The following SHC2 variants were observed in gnomAD, a reference collection of about 807,000 sequenced individuals.
SHC2 encodes SHC adaptor protein 2.
A neutral mutation model predicts 60.6 loss-of-function variants in SHC2; 62 were observed. The ratio of observed to expected loss-of-function variants is 1.02; its 90% confidence interval spans 0.83 to 1.26. SHC2 has a LOEUF of 1.26. Among genes scored for constraint, SHC2 ranks in the 50% most tolerant of loss-of-function variants. SHC2 has a pLI of 0.00. For missense variants in SHC2, 873 were observed against 822.2 expected (o/e 1.06, Z -0.76); for synonymous variants, 375 against 372.4 (o/e 1.01, Z -0.08).
Position 445,060 on chromosome 19 carries a change from C to G in SHC2, c.469-4128G>C, listed in dbSNP as rs577909384. ...GGACCTCAGCTCACTGCATGTCCCA[C>G]GCTCCACGGCGCCCAGTGCTGCCGG... On this transcript the variant is annotated intron_variant, in intron 1 of 12. Transcript: ENST00000264554. This position sits in a 1 kb window ranked among gnomAD's most constrained non-coding sequence, Gnocchi z 4.4. 5.3e-5 allele frequency among the ~76,000 whole-genome samples: 8 copies of G among 152,250 alleles called. No homozygotes were observed. The highest frequency in any genetic ancestry group is 2.6e-4 in the Admixed American group (4 of 15,292).
chr19:420,676 A>C (rs1292223175), intron 11 of SHC2, among the ~76,000 whole-genome samples: 2 of 152,242 alleles, frequency 1.3e-5, no homozygotes, highest in Non-Finnish European at 2.9e-5. Flanking sequence ...GATGCACTTC[A>C]AATATGCAAT....
Position 422,064 on chromosome 19 carries a change from CCTGG to C in SHC2, c.1620+78_1620+81del. Reference sequence around the variant, plus strand: ...CCTCCCACCTGTGCCCAGCGAAGCCCCTGGATGCCCCGAGACCCTCCCACCTGTG... The same window carrying C: ...CCTCCCACCTGTGCCCAGCGAAGCCCATGCCCCGAGACCCTCCCACCTGTG... On this transcript the variant is annotated intron_variant, in intron 11 of 12. Transcript: ENST00000264554. This position sits in a 1 kb window ranked among gnomAD's most constrained non-coding sequence, Gnocchi z 5.0. 2.1e-6 allele frequency: 1 copy of C among 475,422 alleles called. No individual in the cohort carries two copies. The highest frequency in any genetic ancestry group is 2.5e-6 in the Non-Finnish European group (1 of 405,022). The allele number at this position is 475,422 out of a possible 1,614,324, so 29.5% of individuals were successfully genotyped here.
chr19:461,007 G>A lies in SHC2; in HGVS notation c.-11C>T. On this transcript the variant is annotated 5_prime_UTR_variant, in exon 1 of 13. Coordinates refer to ENST00000264554, the MANE Select transcript of SHC2 (RefSeq NM_012435.3). ...CGGACCCTGCGTCATGGCCGCGGCC[G>A]CCCGACGGAGCCCGACCGGGCGCTG... 1 of 887,706 alleles carries A rather than the reference G, an allele frequency of 1.1e-6. No homozygotes were observed. The highest frequency in any genetic ancestry group is 1.3e-6 in the Non-Finnish European group (1 of 741,288). 55.0% of individuals were successfully genotyped at this position (887,706 alleles called of 1,614,324 possible).
intron 1 of SHC2, among the ~76,000 whole-genome samples, chr19:448,043 G>C (rs1365357743): frequency 1.3e-5 from 2 of 152,222 alleles, no homozygotes; most frequent in Non-Finnish European, 2.9e-5. Flanking sequence ...GGAGGCCGCA[G>C]GCAGCGCTTG....
In SHC2 at chr19:418,418, G is replaced by A. The variant is rs1034151036; in HGVS notation, c.*5+505C>T. 1.3e-5 allele frequency among the ~76,000 whole-genome samples: 2 copies of A among 152,236 alleles called. 1 individual carries two copies. Among genetic ancestry groups the A allele is most frequent in the South Asian group, 4.1e-4 (2 of 4,836 alleles). ...AGTGACGCGTGTCCACACACAACCTGCACACAAAGGCTCACGGCGGCCAAA... is the reference window on the plus strand; with the variant it reads ...AGTGACGCGTGTCCACACACAACCTACACACAAAGGCTCACGGCGGCCAAA... On this transcript the variant is annotated intron_variant, in intron 12 of 12. Transcript: ENST00000264554.
intron 1 of SHC2, among the ~76,000 whole-genome samples, chr19:449,926 T>A (rs1975138378): frequency 6.6e-6 from 1 of 152,228 alleles, no homozygotes; most frequent in African/African-American, 2.4e-5. Flanking sequence ...CGTAGTCTAC[T>A]GTTCTTGTTT....
intron 1 of SHC2, among the ~76,000 whole-genome samples, chr19:459,704 A>T (rs1047727734): frequency 6.6e-6 from 1 of 152,160 alleles, no homozygotes; most frequent in African/African-American, 2.4e-5. Flanking sequence ...ACACAACCCA[A>T]TGTGAACACA....
chr19:442,494 GAT>G (rs1974900284), intron 1 of SHC2, among the ~76,000 whole-genome samples: 1 of 116,762 alleles, frequency 8.6e-6, no homozygotes, highest in Non-Finnish European at 1.8e-5. Context: ...TGGGTGGATG[GAT>G]GGATGGACGG....
chr19:454,171 C>T (rs1019369416), intron 1 of SHC2, among the ~76,000 whole-genome samples: 1 of 152,212 alleles, frequency 6.6e-6, no homozygotes, highest in African/African-American at 2.4e-5. Context: ...TAAAATGAAG[C>T]TGGCACTGCA....
chr19:442,935 A>G (rs1233303064), intron 1 of SHC2, among the ~76,000 whole-genome samples: 50 of 67,540 alleles, frequency 7.4e-4, no homozygotes, highest in Non-Finnish European at 1.0e-3. Flanking sequence ...GGGTGGATGG[A>G]TGGGTGGGTG....
chr19:447,468 A>G (rs1483111453), intron 1 of SHC2, among the ~76,000 whole-genome samples: 2 of 152,214 alleles, frequency 1.3e-5, no homozygotes, highest in African/African-American at 4.8e-5. Flanking sequence ...TATGCGAATT[A>G]TATCTGCTTT....
rs1476749740 is a variant in SHC2 at position 453,226 on chromosome 19, G to A, written c.468+7303C>T. ...CCTGATTGGTACTTGGATGGGAGAA[G>A]GACAGAAAGAACCCAGATATGGGTT... On this transcript the variant is annotated intron_variant, in intron 1 of 12. Transcript: ENST00000264554. This position sits in a 1 kb window ranked among gnomAD's most constrained non-coding sequence, Gnocchi z 6.3. 4.6e-5 allele frequency: 7 copies of A among 152,148 alleles called. No individual in the cohort carries two copies. The highest frequency in any genetic ancestry group is 1.7e-4 in the African/African-American group (7 of 41,434). 9.4% of individuals were successfully genotyped at this position (152,148 alleles called of 1,614,324 possible).
intron 1 of SHC2, among the ~76,000 whole-genome samples, chr19:451,365 A>C (rs943127785): frequency 1.9e-5 from 2 of 103,358 alleles, no homozygotes; most frequent in African/African-American, 7.4e-5. Context: ...CAGCGTGTGG[A>C]TGGCCACGCC....
chr19:438,046 G>A lies in SHC2; in HGVS notation c.720+672C>T, dbSNP rs916263210. On this transcript the variant is annotated intron_variant, in intron 4 of 12. Transcript: ENST00000264554. This position sits in a 1 kb window ranked among gnomAD's most constrained non-coding sequence, Gnocchi z 5.0. ...GTTGCCCAGGCTGGAGTGCAGTAGT[G>A]CAATCTTGGCTCACTGCAACCTCCA... 2.6e-5 allele frequency among the ~76,000 whole-genome samples: 4 copies of A among 152,130 alleles called. No homozygotes were observed. Among genetic ancestry groups the A allele is most frequent in the African/African-American group, 9.7e-5 (4 of 41,420 alleles).
intron 1 of SHC2, among the ~76,000 whole-genome samples, chr19:458,311 C>A (rs1254664937): frequency 1.1e-5 from 1 of 93,524 alleles, no homozygotes; most frequent in Non-Finnish European, 2.2e-5. Context: ...GGAAGCGGGT[C>A]TTGGGGAGGC....
intron 1 of SHC2, among the ~76,000 whole-genome samples, chr19:443,660 AGATGGGTGGATGAATGGATGGATGGATG>A (rs1429404044): frequency 7.7e-4 from 61 of 78,726 alleles, no homozygotes; most frequent in African/African-American, 3.0e-3. Context: ...ATGGGTGGAC[AGATGGGTGGATGAATGGATGGATGGATG>A]GGTGGGTGGA....
chr19:424,231 G>T lies in SHC2; in HGVS notation c.1309+866C>A, dbSNP rs561312708. Among the ~76,000 whole-genome samples, 1 of 152,156 alleles carries T rather than the reference G, an allele frequency of 6.6e-6. No homozygotes were observed. Among genetic ancestry groups the T allele is most frequent in the Non-Finnish European group, 1.5e-5 (1 of 68,020 alleles). On this transcript the variant is annotated intron_variant, in intron 10 of 12. Coordinates refer to ENST00000264554, the MANE Select transcript of SHC2 (RefSeq NM_012435.3). The surrounding 1 kb of genome is among the most constrained non-coding windows in gnomAD (Gnocchi z 4.5). ...AGCCAAGGAAGGACAAGCCTCCTCC[G>T]CCCGGCTGGGGGCTCCCTCGGGCTG...
intron 7 of SHC2, 127 bp from the exon 8 acceptor site, chr19:434,992 G>T: frequency 1.0e-6 from 1 of 960,462 alleles, no homozygotes; most frequent in Non-Finnish European, 1.5e-6. Flanking sequence ...TGTCACTGAG[G>T]GTTCCTACCG....
intron 1 of SHC2, among the ~76,000 whole-genome samples, chr19:456,733 C>G (rs1975351846): frequency 6.6e-6 from 1 of 151,956 alleles, no homozygotes; most frequent in African/African-American, 2.4e-5. Context: ...CTGCAAACTC[C>G]ACCGCGTCAG....
Sources: gnomAD v4.1 joint callset for allele counts (sites outside exome capture counted in the v4.1 genomes callset) on GRCh38, gnomAD v4.1.1 for gene constraint, Gnocchi (gnomAD v3.1) non-coding constraint, MANE v1.5 for transcripts, NCBI Gene and HGNC (gene_info 2026-07-23, HGNC 2026-07-21) for gene names.